PDE1A: variants seen among roughly 807,000 people sequenced by gnomAD.
PDE1A encodes the protein dual specificity calcium/calmodulin-dependent 3',5'-cyclic nucleotide phosphodiesterase 1A.
A neutral mutation model predicts 61.7 loss-of-function variants in PDE1A; 35 were observed. The ratio of observed to expected loss-of-function variants is 0.57; its 90% CI spans 0.43 to 0.75. The LOEUF (loss-of-function observed/expected upper bound fraction) is 0.75, where lower values mean the gene tolerates loss of function less well. PDE1A is among the 30% of genes least tolerant of loss of function. The pLI, the probability that PDE1A is intolerant of heterozygous loss-of-function variation, is 0.00. For synonymous variants in PDE1A, 232 were observed against 213.2 expected (o/e 1.09, Z -0.77); for missense variants, 597 against 630.6 (o/e 0.95, Z 0.57).
intron 1 of PDE1A, among the ~76,000 whole-genome samples, chr2:182,386,906 G>A (rs62190200): frequency 0.2 from 31,063 of 152,226 alleles, 3,849 homozygotes; most frequent in East Asian, 0.45. Context: ...GCCACCACCC[G>A]GTCTGGGAGG....
downstream of PDE1A, among the ~76,000 whole-genome samples, chr2:182,167,571 A>G (rs977410385): frequency 6.6e-6 from 1 of 152,098 alleles, no homozygotes; most frequent in Non-Finnish European, 1.5e-5. Flanking sequence ...CTATTGTGTA[A>G]TAGACTCTGT....
chr2:182,566,674 T>C, the PDE1A span, among the ~76,000 whole-genome samples: 4 of 152,146 alleles, frequency 2.6e-5, no homozygotes, highest in Admixed American at 6.5e-5. Flanking sequence ...TTCTCAAGTT[T>C]ATATTTGAGT....
At chr2:182,577,983 AGG>A in the PDE1A span, among the ~76,000 whole-genome samples, 1 of 147,118 alleles carries the variant, frequency 6.8e-6, no homozygotes, top group Non-Finnish European at 1.5e-5. Context: ...GAAGGAAGGA[AGG>A]AAGGAAGGGA....
At chr2:182,456,144 C>T (rs545833353) in intron 2 of PDE1A, among the ~76,000 whole-genome samples, 3 of 152,090 alleles carry the variant, frequency 2.0e-5, no homozygotes, top group East Asian at 1.9e-4. Flanking sequence ...TAGCTCTAAT[C>T]GGGTTCTCTA....
chr2:182,384,874 A>G (rs1335466219), intron 1 of PDE1A, among the ~76,000 whole-genome samples: 1 of 152,178 alleles, frequency 6.6e-6, no homozygotes, highest in East Asian at 1.9e-4. Context: ...ACCTATTATA[A>G]TCAAACTGTC....
At chr2:182,150,266 C>T (rs545957824) in intron 13 of PDE1A, among the ~76,000 whole-genome samples, 1 of 152,246 alleles carries the variant, frequency 6.6e-6, no homozygotes, top group African/African-American at 2.4e-5. Flanking sequence ...CTCTATATAA[C>T]TCTGGATTAA....
intron 1 of PDE1A, among the ~76,000 whole-genome samples, chr2:182,284,972 A>G (rs1694059217): frequency 6.6e-6 from 1 of 152,158 alleles, no homozygotes; most frequent in Non-Finnish European, 1.5e-5. Context: ...TTGGATAGTT[A>G]GCCATGCACT....
the PDE1A span, among the ~76,000 whole-genome samples, chr2:182,682,897 T>C: frequency 5.9e-5 from 9 of 151,900 alleles, no homozygotes; most frequent in South Asian, 1.9e-3. Flanking sequence ...GTCTGAGGAC[T>C]GTGTGTGTGT....
At chr2:182,324,665 A>C (rs942226675) in intron 1 of PDE1A, among the ~76,000 whole-genome samples, 6 of 152,146 alleles carry the variant, frequency 3.9e-5, no homozygotes, top group Non-Finnish European at 8.8e-5. Context: ...CTGTGGGTAC[A>C]TTGGGTAGCA....
Position 182,264,421 on chromosome 2 carries a change from CA to C in PDE1A, c.54-8del. On this transcript the variant is annotated splice_polypyrimidine_tract_variant and splice_region_variant and intron_variant, in intron 1 of 13. Transcript: ENST00000351439. ...CTTCACCAAGCATCTTAGTCTATTTCAAAAAAGTAGCCAAAGAGAGAAAGAG... is the reference window on the plus strand; with the variant it reads ...CTTCACCAAGCATCTTAGTCTATTTCAAAAAGTAGCCAAAGAGAGAAAGAG... The C allele has an allele frequency of 6.2e-7, 1 of 1,600,748 alleles. No homozygotes were observed. The highest frequency in any genetic ancestry group is 1.3e-5 in the African/African-American group (1 of 74,536).
the PDE1A span, among the ~76,000 whole-genome samples, chr2:182,713,932 C>A: frequency 1.3e-5 from 2 of 152,160 alleles, no homozygotes; most frequent in African/African-American, 4.8e-5. Context: ...TCCAGCCTTA[C>A]CATCCACCAA....
At chr2:182,148,914 C>CT (rs889184051) in intron 13 of PDE1A, among the ~76,000 whole-genome samples, 15 of 149,444 alleles carry the variant, frequency 1.0e-4, no homozygotes, top group African/African-American at 1.2e-4. Context: ...CTTCATAAAT[C>CT]TTTTTTTTTT....
At chr2:182,265,710 A>G (rs1454916033) in intron 1 of PDE1A, among the ~76,000 whole-genome samples, 2 of 152,198 alleles carry the variant, frequency 1.3e-5, no homozygotes, top group South Asian at 2.1e-4. Flanking sequence ...GGCAACTTCT[A>G]TGCATTAAAT....
chr2:182,513,970 A>G (rs1399101535), intron 2 of PDE1A, among the ~76,000 whole-genome samples: 1 of 152,194 alleles, frequency 6.6e-6, no homozygotes, highest in East Asian at 1.9e-4. Flanking sequence ...CTACAAAAAG[A>G]CTTAGATAAC....
chr2:182,467,494 T>A (rs2125791586), intron 2 of PDE1A, among the ~76,000 whole-genome samples: 1 of 152,042 alleles, frequency 6.6e-6, no homozygotes, highest in Admixed American at 6.6e-5. Flanking sequence ...AAATAGTAAC[T>A]ATCATCCAGA....
intron 1 of PDE1A, among the ~76,000 whole-genome samples, chr2:182,284,603 G>A (rs910896796): frequency 6.6e-6 from 1 of 151,928 alleles, no homozygotes; most frequent in African/African-American, 2.4e-5. Context: ...GGGGCATGTT[G>A]GCTAAAATGA....
Position 182,196,383 on chromosome 2 carries a change from C to G in PDE1A, c.1125+5056G>C, listed in dbSNP as rs529921253. On this transcript the variant is annotated intron_variant, in intron 10 of 13. Coordinates refer to ENST00000351439, the Ensembl canonical transcript of PDE1A. Reference sequence around the variant, plus strand: ...ACAAATCGTGATATTATTTGGAGATCTAATGGTAATCTTCAGGAGTCTCTG... The same window carrying G: ...ACAAATCGTGATATTATTTGGAGATGTAATGGTAATCTTCAGGAGTCTCTG... 2.0e-5 allele frequency among the ~76,000 whole-genome samples: 3 copies of G among 151,938 alleles called. No individual in the cohort carries two copies. The South Asian group carries it at 6.2e-4, about 32-fold the overall frequency.
chr2:182,601,234 A>C, the PDE1A span, among the ~76,000 whole-genome samples: 1 of 152,186 alleles, frequency 6.6e-6, no homozygotes, highest in Non-Finnish European at 1.5e-5. Flanking sequence ...CACTGCACAT[A>C]GTCACACTGG....
chr2:182,673,646 C>T, the PDE1A span, among the ~76,000 whole-genome samples: 1 of 151,710 alleles, frequency 6.6e-6, no homozygotes, highest in South Asian at 2.1e-4. Context: ...TTTAAGATTT[C>T]GTTTTAATTT....
Sources: gnomAD v4.1 joint callset for allele counts (sites outside exome capture counted in the v4.1 genomes callset) on GRCh38, gnomAD v4.1.1 for gene constraint, MANE v1.5 for transcripts, NCBI Gene and HGNC (gene_info 2026-07-23, HGNC 2026-07-21) for gene names.